Variants in PITPNC1 observed in about 807,000 individuals in gnomAD.
PITPNC1 encodes the protein phosphatidylinositol transfer protein cytoplasmic 1.
In PITPNC1, 18 loss-of-function variants were observed where a neutral mutation model predicts 44.7. The ratio of observed to expected loss-of-function variants is 0.40; its 90% confidence interval spans 0.28 to 0.60. The LOEUF is 0.60. Among genes scored for constraint, PITPNC1 ranks in the 20% least tolerant of loss-of-function variants. The pLI is 0.39. For synonymous variants in PITPNC1, 141 were observed against 149.6 expected, an observed-to-expected ratio of 0.94 and a Z score of 0.42; for missense variants, 290 against 418.4, an observed-to-expected ratio of 0.69 and a Z score of 2.68.
At chr17:67,546,446 CG>C (rs1239339006) in intron 2 of PITPNC1, among the ~76,000 whole-genome samples, 2 of 152,048 alleles carry the variant, frequency 1.3e-5, no homozygotes, top group Non-Finnish European at 2.9e-5. Flanking sequence ...CTCATGCTAC[CG>C]GGCCCCTCTT....
chr17:67,587,882 C>T (rs2041341460), intron 5 of PITPNC1, among the ~76,000 whole-genome samples: 1 of 152,202 alleles, frequency 6.6e-6, no homozygotes, highest in Non-Finnish European at 1.5e-5. Flanking sequence ...GAAATGTTCT[C>T]TTCCTGACTA....
intron 1 of PITPNC1, among the ~76,000 whole-genome samples, chr17:67,425,052 CT>C (rs1392696723): frequency 4.6e-5 from 7 of 152,204 alleles, no homozygotes; most frequent in Middle Eastern, 3.4e-3. Flanking sequence ...GATCCACCCC[CT>C]GCCTGCAAAA....
intron 6 of PITPNC1, among the ~76,000 whole-genome samples, chr17:67,642,684 C>T (rs955816547): frequency 1.3e-5 from 2 of 152,076 alleles, no homozygotes; most frequent in African/African-American, 2.4e-5. Flanking sequence ...CGCCAAGTCT[C>T]GCTGAAGCAC....
chr17:67,656,459 A>T (rs1240362909), intron 6 of PITPNC1, among the ~76,000 whole-genome samples: 2 of 152,166 alleles, frequency 1.3e-5, no homozygotes, highest in African/African-American at 4.8e-5. Context: ...GCATGATCTC[A>T]TCTCAAGACC....
In PITPNC1 at chr17:67,470,892, T is replaced by G. The variant is rs568889000; in HGVS notation, c.49-61910T>G. Reference sequence around the variant, plus strand: ...CCTCTGCCTTGGGATCCTGTTGATCTGTGACCTTACCCCCAACCCTGTGCT... The same window carrying G: ...CCTCTGCCTTGGGATCCTGTTGATCGGTGACCTTACCCCCAACCCTGTGCT... On this transcript the variant is annotated intron_variant, in intron 1 of 8. Transcript: ENST00000581322. Among the ~76,000 whole-genome samples, 405 of 135,058 alleles carry G rather than the reference T, an allele frequency of 3.0e-3. 4 individuals are homozygous for G. Among genetic ancestry groups the G allele is most frequent in the Admixed American group, 3.4e-3 (44 of 13,054 alleles). 88.6% of individuals were successfully genotyped at this position (135,058 alleles called of 152,430 possible).
chr17:67,611,354 C>G (rs2041684921), intron 5 of PITPNC1: 1 of 152,230 alleles, frequency 6.6e-6, no homozygotes. Context: ...ATGACTTTTG[C>G]TATTACCTGT....
intron 8 of PITPNC1, among the ~76,000 whole-genome samples, chr17:67,690,088 C>T (rs1177590028): frequency 6.6e-6 from 1 of 152,038 alleles, no homozygotes; most frequent in Non-Finnish European, 1.5e-5. Flanking sequence ...AATAATTGTT[C>T]CCAGGAAATC....
Position 67,599,016 on chromosome 17 carries a change from ATATATATATATATATATATT to A in PITPNC1, c.366+20761_366+20780del, listed in dbSNP as rs1312091560. ...ATAAGAAATACATATATATATATAT[ATATATATATATATATATATT>A]TTTTTTTTTTTTTTTTTTACCATGT... On this transcript the variant is annotated intron_variant, in intron 5 of 8. Transcript: ENST00000581322. Among the ~76,000 whole-genome samples the A allele has an allele frequency of 1.9e-3, 63 of 33,988 alleles. 1 individual carries two copies. Among genetic ancestry groups the A allele is most frequent in the African/African-American group, 6.6e-3 (45 of 6,804 alleles). The allele number at this position is 33,988 out of a possible 152,430, so 22.3% of individuals were successfully genotyped here. A position where few individuals can be genotyped will look rare whatever the true frequency, so the allele number is the denominator to read the frequency against.
intron 1 of PITPNC1, among the ~76,000 whole-genome samples, chr17:67,521,064 A>T (rs1402091807): frequency 6.6e-6 from 1 of 152,190 alleles, no homozygotes; most frequent in Non-Finnish European, 1.5e-5. Flanking sequence ...TCCTGTACTC[A>T]GTCAAGTAGA....
intron 8 of PITPNC1, among the ~76,000 whole-genome samples, chr17:67,678,844 T>A (rs967140862): frequency 6.6e-6 from 1 of 151,974 alleles, no homozygotes; most frequent in Non-Finnish European, 1.5e-5. Flanking sequence ...TCAGTGAGAC[T>A]CTCATGGAAA....
chr17:67,688,201 G>A (rs567083273), intron 8 of PITPNC1, among the ~76,000 whole-genome samples: 4 of 151,660 alleles, frequency 2.6e-5, no homozygotes, highest in Admixed American at 6.6e-5. Context: ...AGCTGGGTGT[G>A]GTGGCGCATG....
intron 2 of PITPNC1, among the ~76,000 whole-genome samples, chr17:67,534,519 C>G (rs1038376718): frequency 5.3e-5 from 8 of 151,694 alleles, no homozygotes; most frequent in African/African-American, 1.9e-4. Context: ...GCACCTACAG[C>G]CCCAGCTACT....
At chr17:67,522,408 C>T (rs141878531) in intron 1 of PITPNC1, among the ~76,000 whole-genome samples, 2 of 152,132 alleles carry the variant, frequency 1.3e-5, no homozygotes, top group East Asian at 3.9e-4. Context: ...ATTGTTTCTC[C>T]GGGGAGTCTT....
intron 6 of PITPNC1, among the ~76,000 whole-genome samples, chr17:67,636,637 C>G (rs1315626299): frequency 1.3e-5 from 2 of 152,130 alleles, no homozygotes; most frequent in Non-Finnish European, 2.9e-5. Flanking sequence ...AAAGCATTCC[C>G]CCAGGGGCGA....
intron 1 of PITPNC1, among the ~76,000 whole-genome samples, chr17:67,413,401 T>TTTTCTTTCTTTCTTTCTTTCTTTC (rs151166964): frequency 0.13 from 19,020 of 145,396 alleles, 1,438 homozygotes; most frequent in Admixed American, 0.17. Context: ...ATGTGCTTAA[T>TTTTCTTTCTTTCTTTCTTTCTTTC]TTTCTTTCTT....
chr17:67,639,827 C>T (rs1001516086), intron 6 of PITPNC1, among the ~76,000 whole-genome samples: 2 of 152,140 alleles, frequency 1.3e-5, no homozygotes, highest in African/African-American at 4.8e-5. Context: ...ATGTTGTTTG[C>T]TAAGGACCGG....
intron 1 of PITPNC1, among the ~76,000 whole-genome samples, chr17:67,445,257 TG>T (rs2039078812): frequency 6.6e-6 from 1 of 151,984 alleles, no homozygotes; most frequent in South Asian, 2.1e-4. Flanking sequence ...TTTTCTTTTT[TG>T]CCAGGTCTAG....
chr17:67,680,055 TC>T (rs1267450708), intron 8 of PITPNC1, among the ~76,000 whole-genome samples: 1 of 152,074 alleles, frequency 6.6e-6, no homozygotes, highest in Admixed American at 6.5e-5. Context: ...GACTTAGAAA[TC>T]AGCCTGGAGT....
At chr17:67,559,275 C>T (rs1452570234) in intron 4 of PITPNC1, among the ~76,000 whole-genome samples, 1 of 152,086 alleles carries the variant, frequency 6.6e-6, no homozygotes, top group African/African-American at 2.4e-5. Context: ...TTTATTATAC[C>T]AGACCTCTAG....
Sources: allele counts gnomAD v4.1 joint callset (sites outside exome capture counted in the v4.1 genomes callset), GRCh38; gene constraint gnomAD v4.1.1; transcripts MANE v1.5; gene names NCBI Gene and HGNC (gene_info 2026-07-23, HGNC 2026-07-21).